Variants in ARL6IP1 observed in about 807,000 individuals in gnomAD.
ARL6IP1 encodes the protein ADP-ribosylation factor-like protein 6-interacting protein 1.
A neutral mutation model predicts 30.1 loss-of-function variants in ARL6IP1; 16 were observed. The ratio of observed to expected loss-of-function variants is 0.53; its 90% confidence interval spans 0.36 to 0.81. The LOEUF (loss-of-function observed/expected upper bound fraction) is 0.81, where lower values mean the gene tolerates loss of function less well. ARL6IP1 is among the 30% of genes least tolerant of loss of function. The probability of loss-of-function intolerance (pLI) is 0.01; values close to 1 mark genes in which losing one functional copy is unlikely to be tolerated. For synonymous variants in ARL6IP1, 72 were observed against 84.8 expected (o/e 0.85, Z 0.83); for missense variants, 173 against 242.7 (o/e 0.71, Z 1.91).
rs1351034975 is a variant in ARL6IP1 at position 18,801,424 on chromosome 16, G to A, written c.36+7C>T. ...CGGCTCCCGGGGGACAGGCAGCCAG[G>A]ACTCACCAGCAGGTTGGTGCTGCGA... is the stretch of plus-strand genomic sequence containing the variant. On this transcript the variant is annotated splice_region_variant and intron_variant, in intron 1 of 5. Transcript: ENST00000304414. 5 of 1,612,724 alleles carry A rather than the reference G, an allele frequency of 3.1e-6. No homozygotes were observed. The highest frequency in any genetic ancestry group is 1.3e-5 in the African/African-American group (1 of 74,880).
intron 5 of ARL6IP1, 134 bp downstream of exon 5, chr16:18,794,465 A>C: frequency 1.7e-6 from 1 of 585,932 alleles, no homozygotes; most frequent in East Asian, 3.0e-5. Flanking sequence ...CTATGAGACC[A>C]TAATAATCTT....
chr16:18,793,184 A>G lies in ARL6IP1; in HGVS notation c.*68T>C. Reference sequence around the variant, plus strand: ...ACTTCCGTAACATTTTAGTATCCAGATAGTACAGCAGAAACGGTTCCCGGG... The same window carrying G: ...ACTTCCGTAACATTTTAGTATCCAGGTAGTACAGCAGAAACGGTTCCCGGG... On this transcript the variant is annotated 3_prime_UTR_variant, in exon 6 of 6. Coordinates refer to ENST00000304414, the MANE Select transcript of ARL6IP1 (RefSeq NM_015161.3). The G allele has an allele frequency of 4.1e-6, 4 of 983,680 alleles. No individual in the cohort carries two copies. The highest frequency in any genetic ancestry group is 6.3e-6 in the Non-Finnish European group (4 of 635,976). The allele number at this position is 983,680 out of a possible 1,614,324, so 60.9% of individuals were successfully genotyped here. A position where few individuals can be genotyped will look rare whatever the true frequency, so the allele number is the denominator to read the frequency against.
intron 3 of ARL6IP1, 93 bp downstream of exon 3, chr16:18,797,832 C>T (rs1292567090): frequency 9.0e-6 from 13 of 1,444,312 alleles, no homozygotes; most frequent in Non-Finnish European, 1.1e-5. Flanking sequence ...GATGGTTAGA[C>T]AATTATCTCT....
At chr16:18,800,130 T>C (rs577779990) in intron 1 of ARL6IP1, among the ~76,000 whole-genome samples, 3 of 152,262 alleles carry the variant, frequency 2.0e-5, no homozygotes, top group Admixed American at 2.0e-4. Context: ...ACTAGTGTGA[T>C]CTCAATATTT....
chr16:18,796,545 A>G (rs1168632642), intron 3 of ARL6IP1, among the ~76,000 whole-genome samples: 1 of 152,270 alleles, frequency 6.6e-6, no homozygotes, highest in Non-Finnish European at 1.5e-5. Context: ...TTATTTCTGC[A>G]AACTTTCCTC....
chr16:18,794,701 A>G lies in ARL6IP1; in HGVS notation c.409-18T>C, dbSNP rs71382566. The G allele has an allele frequency of 0.095, 151,744 of 1,590,642 alleles. 7,820 individuals are homozygous for G. The highest frequency in any genetic ancestry group is 0.15 in the Admixed American group (8,618 of 59,014). On this transcript the variant is annotated intron_variant, in intron 4 of 5. Coordinates refer to ENST00000304414, the MANE Select transcript of ARL6IP1 (RefSeq NM_015161.3). ...ATGAAGTACTAGCAATGAAAACAAG[A>G]ATTTAATATCAAAACTTCATGTGAC...
chr16:18,794,653 C>T lies in ARL6IP1; in HGVS notation c.439G>A (p.Ala147Thr). The T allele has an allele frequency of 6.2e-7, 1 of 1,613,326 alleles. No homozygotes were observed. Among genetic ancestry groups the T allele is most frequent in the Non-Finnish European group, 8.5e-7 (1 of 1,179,576 alleles). ...ACTTGTTGTCCCACCCAAGCAACCG[C>T]AGCAAGGGAAACGATCATGGTCATG... ...YFMTMIVSLAAVAWVGQQVHN... is the reference protein window; with the variant it reads ...YFMTMIVSLATVAWVGQQVHN... The change falls in exon 5 of 6, where the codon GCG becomes ACG. Residue 147 changes from alanine to threonine, a missense_variant. Transcript: ENST00000304414.
chr16:18,800,073 G>T (rs1471365286), intron 1 of ARL6IP1, among the ~76,000 whole-genome samples: 1 of 152,160 alleles, frequency 6.6e-6, no homozygotes, highest in East Asian at 1.9e-4. Context: ...GACAGAACAA[G>T]GCACTTAATC....
intron 2 of ARL6IP1, 55 bp downstream of exon 2, chr16:18,798,646 A>T (rs987565588): frequency 3.8e-6 from 6 of 1,573,014 alleles, no homozygotes; most frequent in African/African-American, 2.7e-5. Flanking sequence ...GCTATATATT[A>T]AAAAGTCTTT....
In ARL6IP1 at chr16:18,798,750, T is replaced by C. The variant is rs1435420577; in HGVS notation, c.121A>G (p.Arg41Gly). 11 of 1,614,064 alleles carry C rather than the reference T, an allele frequency of 6.8e-6. No individual in the cohort carries two copies. Among genetic ancestry groups the C allele is most frequent in the Non-Finnish European group, 9.3e-6 (11 of 1,180,046 alleles). ...ATGATGGCAGGTGGAAACCAGGCTC[T>C]TTCCCATCGGAGGACTTTATCAGCC... The part of the protein sequence containing the change: ...LMADKVLRWE[R>G]AWFPPAIMGV... Residue 41 changes from arginine (R) to glycine (G), a missense_variant, in exon 2 of 6, where the codon AGA becomes GGA. Transcript: ENST00000304414.
intron 1 of ARL6IP1, among the ~76,000 whole-genome samples, chr16:18,799,332 C>T (rs1330090877): frequency 1.3e-5 from 2 of 152,130 alleles, no homozygotes; most frequent in Admixed American, 1.3e-4. Flanking sequence ...TTAATGGTCA[C>T]TTTTCTAGTC....
intron 1 of ARL6IP1, 196 bp downstream of exon 1, chr16:18,801,235 G>A: frequency 3.5e-6 from 5 of 1,417,404 alleles, no homozygotes; most frequent in Non-Finnish European, 4.6e-6. Context: ...TCGCCCCGTC[G>A]CGCACCGTCC....
Position 18,792,917 on chromosome 16 carries a change from AT to A in ARL6IP1, c.*334del, listed in dbSNP as rs1346290322. The A allele has an allele frequency of 4.2e-5, 7 of 167,224 alleles. No homozygotes were observed. The highest frequency in any genetic ancestry group is 7.7e-5 in the Non-Finnish European group (6 of 77,902). 10.4% of individuals were successfully genotyped at this position (167,224 alleles called of 1,614,324 possible). The stretch of plus-strand genomic sequence containing the variant: ...TAAGCTAAAGCAAAGATGAACAATT[AT>A]CCAGATTCACTTGAACTGTACTAAA... On this transcript the variant is annotated 3_prime_UTR_variant, in exon 6 of 6. Coordinates refer to ENST00000304414, the MANE Select transcript of ARL6IP1 (RefSeq NM_015161.3).
intron 3 of ARL6IP1, among the ~76,000 whole-genome samples, chr16:18,797,235 A>T (rs1196976598): frequency 7.1e-6 from 1 of 141,062 alleles, no homozygotes; most frequent in East Asian, 2.0e-4. Flanking sequence ...AAAAAAAAAA[A>T]TTAGCCAGGT....
intron 4 of ARL6IP1, chr16:18,795,178 A>T (rs2030193527): frequency 3.7e-6 from 1 of 268,844 alleles, no homozygotes; most frequent in Non-Finnish European, 7.3e-6. Context: ...GGCATTAGCC[A>T]CTGTGCCCGG....
chr16:18,801,446 G>T lies in ARL6IP1; in HGVS notation c.21C>A (p.Arg7=). The change falls in exon 1 of 6, where the codon CGC becomes CGA. Residue 7 remains arginine, a synonymous_variant. Transcript: ENST00000304414. The part of the protein sequence containing the change: MAEGDN[R]STNLLAAETA... The stretch of plus-strand genomic sequence containing the variant: ...CAGGACTCACCAGCAGGTTGGTGCT[G>T]CGATTATCTCCCTCCGCCATCGTCT... The T allele has an allele frequency of 6.2e-7, 1 of 1,612,994 alleles. No homozygotes were observed. The highest frequency in any genetic ancestry group is 1.3e-5 in the African/African-American group (1 of 75,032).
At chr16:18,799,702 T>G (rs930685751) in intron 1 of ARL6IP1, among the ~76,000 whole-genome samples, 7 of 152,198 alleles carry the variant, frequency 4.6e-5, no homozygotes, top group Non-Finnish European at 1.0e-4. Flanking sequence ...TAAGGAAAAC[T>G]ACTTTCACCA....
intron 1 of ARL6IP1, among the ~76,000 whole-genome samples, chr16:18,800,834 C>A (rs1457565047): frequency 1.3e-5 from 2 of 152,206 alleles, no homozygotes; most frequent in Non-Finnish European, 2.9e-5. Context: ...TTCCAGTAGT[C>A]CTGTGACCCC....
rs2030110291 is a variant in ARL6IP1, at chr16:18,793,072, G to A, written c.*180C>T. Reference sequence around the variant, plus strand: ...CTGCTAAGAACGCGCTCAACTATACGCGACATGAAGACACTATGCACGAAG... The same window carrying A: ...CTGCTAAGAACGCGCTCAACTATACACGACATGAAGACACTATGCACGAAG... On this transcript the variant is annotated 3_prime_UTR_variant, in exon 6 of 6. Transcript: ENST00000304414. 7 of 505,292 alleles carry A rather than the reference G, an allele frequency of 1.4e-5. No individual in the cohort carries two copies. Among genetic ancestry groups the A allele is most frequent in the Non-Finnish European group, 1.8e-5 (5 of 283,826 alleles). 31.3% of individuals were successfully genotyped at this position (505,292 alleles called of 1,614,324 possible). A position where few individuals can be genotyped will look rare whatever the true frequency, so the allele number is the denominator to read the frequency against.
Sources: allele counts gnomAD v4.1 joint callset (sites outside exome capture counted in the v4.1 genomes callset), GRCh38; gene constraint gnomAD v4.1.1; transcripts MANE v1.5; gene names NCBI Gene and HGNC (gene_info 2026-07-23, HGNC 2026-07-21).